CDH12: variants seen among roughly 807,000 people sequenced by gnomAD.
CDH12 encodes the protein cadherin 12.
CDH12 carries 41 observed loss-of-function variants against 74.1 expected under a neutral mutation model. That is an observed-to-expected ratio of 0.55 (90% CI 0.43 to 0.72). The LOEUF (loss-of-function observed/expected upper bound fraction) is 0.72. Ranked by LOEUF, CDH12 falls within the 30% of genes least tolerant of loss-of-function variation. The pLI, the probability that CDH12 is intolerant of heterozygous loss-of-function variation, is 0.00. For synonymous variants in CDH12, 399 were observed against 355.0 expected (o/e 1.12, Z -1.39); for missense variants, 945 against 977.2 (o/e 0.97, Z 0.44).
In CDH12 at chr5:21,996,090, T is replaced by C. The variant is rs533469579; in HGVS notation, c.232-20705A>G. Among the ~76,000 whole-genome samples, 265 of 149,162 alleles carry C rather than the reference T, an allele frequency of 1.8e-3. 3 individuals carry two copies. Among genetic ancestry groups the C allele is most frequent in the African/African-American group, 5.9e-3 (239 of 40,782 alleles). On this transcript the variant is annotated intron_variant, in intron 5 of 14. Transcript: ENST00000382254. ...TTTGAGCAGTCGGCTCAGGTACTTA[T>C]AAGTTCACACACACGTTTTTTTTTT...
At chr5:21,881,251 A>G (rs545920948) in intron 6 of CDH12, among the ~76,000 whole-genome samples, 52 of 152,350 alleles carry the variant, frequency 3.4e-4, no homozygotes, top group Admixed American at 2.0e-3. Flanking sequence ...CTAAAACAGG[A>G]GAGGAACTTA....
At chr5:21,828,073 T>G (rs1270794139) in intron 8 of CDH12, among the ~76,000 whole-genome samples, 1 of 152,030 alleles carries the variant, frequency 6.6e-6, no homozygotes, top group South Asian at 2.1e-4. Flanking sequence ...AGTTTTTTCA[T>G]AAATTATAAA....
At chr5:22,827,568 C>T (rs879342960) in intron 1 of CDH12, among the ~76,000 whole-genome samples, 1 of 152,162 alleles carries the variant, frequency 6.6e-6, no homozygotes, top group Non-Finnish European at 1.5e-5. Flanking sequence ...CTGATAGATA[C>T]AGGAGCCAGG....
At chr5:21,883,490 C>G in intron 6 of CDH12, 1 of 1,612,856 alleles carries the variant, frequency 6.2e-7, no homozygotes, top group Non-Finnish European at 8.5e-7. Context: ...TTGTGGCAGT[C>G]AAGGCTCCAG....
intron 1 of CDH12, among the ~76,000 whole-genome samples, chr5:22,554,738 C>T (rs1197193585): frequency 6.6e-6 from 1 of 152,046 alleles, no homozygotes; most frequent in East Asian, 1.9e-4. Context: ...ACTATCACTA[C>T]TGACTCCATT....
At chr5:22,222,211 A>T (rs1160145100) in intron 3 of CDH12, among the ~76,000 whole-genome samples, 1 of 151,914 alleles carries the variant, frequency 6.6e-6, no homozygotes, top group African/African-American at 2.4e-5. Flanking sequence ...GCACAGAAAA[A>T]ACTCTTTGGG....
chr5:22,667,177 T>A (rs1189202965), intron 1 of CDH12, among the ~76,000 whole-genome samples: 1 of 152,224 alleles, frequency 6.6e-6, no homozygotes, highest in Admixed American at 6.5e-5. Flanking sequence ...AAATTTCTTC[T>A]TTTTTCTTCT....
intron 1 of CDH12, among the ~76,000 whole-genome samples, chr5:22,514,191 C>T (rs1013141504): frequency 6.6e-6 from 1 of 151,878 alleles, no homozygotes; most frequent in East Asian, 1.9e-4. Flanking sequence ...TGCCTGAAGT[C>T]GGTCAATTGA....
chr5:22,557,660 C>G (rs1232250994), intron 1 of CDH12, among the ~76,000 whole-genome samples: 1 of 151,836 alleles, frequency 6.6e-6, no homozygotes, highest in Non-Finnish European at 1.5e-5. Flanking sequence ...TTATTCAGGC[C>G]AAATTTGAAC....
intron 1 of CDH12, among the ~76,000 whole-genome samples, chr5:22,799,860 C>T (rs963546405): frequency 2.6e-5 from 4 of 152,068 alleles, no homozygotes; most frequent in Non-Finnish European, 5.9e-5. Flanking sequence ...AATTTTTGCT[C>T]TTAAAGTTTT....
chr5:22,343,651 C>T (rs1739990960), intron 3 of CDH12, among the ~76,000 whole-genome samples: 2 of 152,066 alleles, frequency 1.3e-5, no homozygotes, highest in Non-Finnish European at 2.9e-5. Context: ...ATCTCCTGAC[C>T]TCATGATCTG....
intron 3 of CDH12, among the ~76,000 whole-genome samples, chr5:22,313,161 C>T (rs2150430288): frequency 6.6e-6 from 1 of 152,274 alleles, no homozygotes; most frequent in South Asian, 2.1e-4. Context: ...TTGTATATCA[C>T]TGCCCTAAAG....
chr5:22,664,180 G>A (rs943902016), intron 1 of CDH12, among the ~76,000 whole-genome samples: 10 of 152,156 alleles, frequency 6.6e-5, no homozygotes, highest in South Asian at 6.2e-4. Flanking sequence ...CATTTGTTTC[G>A]TAAACAAGAA....
At chr5:22,195,197 G>A (rs1233694431) in intron 4 of CDH12, among the ~76,000 whole-genome samples, 1 of 152,238 alleles carries the variant, frequency 6.6e-6, no homozygotes, top group Non-Finnish European at 1.5e-5. Flanking sequence ...GGCAATGTCA[G>A]TGAAATATTG....
intron 1 of CDH12, among the ~76,000 whole-genome samples, chr5:22,557,963 C>A (rs1411941475): frequency 6.6e-6 from 1 of 151,996 alleles, no homozygotes; most frequent in Non-Finnish European, 1.5e-5. Flanking sequence ...AATAATGCTT[C>A]AAGTTTACAA....
intron 5 of CDH12, among the ~76,000 whole-genome samples, chr5:21,988,720 A>G (rs974545127): frequency 9.9e-5 from 15 of 152,210 alleles, no homozygotes; most frequent in African/African-American, 3.6e-4. Context: ...TGTCAGTCTA[A>G]AGGTTGAATA....
At chr5:22,817,722 G>T (rs572952253) in intron 1 of CDH12, among the ~76,000 whole-genome samples, 1 of 152,086 alleles carries the variant, frequency 6.6e-6, no homozygotes, top group African/African-American at 2.4e-5. Context: ...TTCTATTCAG[G>T]CCAATAATTA....
chr5:22,399,347 T>C (rs1742612173), intron 3 of CDH12, among the ~76,000 whole-genome samples: 2 of 152,222 alleles, frequency 1.3e-5, no homozygotes, highest in South Asian at 4.1e-4. Flanking sequence ...TTGTACTAAG[T>C]AATTTTTTTG....
intron 6 of CDH12, among the ~76,000 whole-genome samples, chr5:21,958,532 A>T (rs1756203176): frequency 2.0e-5 from 3 of 152,218 alleles, no homozygotes; most frequent in African/African-American, 7.2e-5. Context: ...TTATCCCAGT[A>T]CCATTTATTG....
Sources: gnomAD v4.1 joint callset for allele counts (sites outside exome capture counted in the v4.1 genomes callset) on GRCh38, gnomAD v4.1.1 for gene constraint, MANE v1.5 for transcripts, NCBI Gene and HGNC (gene_info 2026-07-23, HGNC 2026-07-21) for gene names.